Variants in ISLR2 observed in about 807,000 individuals in gnomAD.
The protein encoded by ISLR2 is immunoglobulin superfamily containing leucine rich repeat 2.
ISLR2 carries 16 observed loss-of-function variants against 25.5 expected under a neutral mutation model. The observed-to-expected ratio is 0.63, with a 90% CI of 0.43 to 0.95. ISLR2 has a LOEUF of 0.95. ISLR2 is among the 40% of genes least tolerant of loss of function. ISLR2 has a pLI of 0.00. For missense variants in ISLR2, 883 were observed against 1,030.7 expected (o/e 0.86, Z 1.96); for synonymous variants, 508 against 486.6 (o/e 1.04, Z -0.58).
intron 1 of ISLR2, among the ~76,000 whole-genome samples, chr15:74,102,328 C>G (rs1207453412): frequency 8.0e-6 from 1 of 124,326 alleles, no homozygotes; most frequent in Admixed American, 8.6e-5. Flanking sequence ...AAATTAGGAA[C>G]AGATGAAAAC....
chr15:74,133,269 C>T lies in ISLR2; in HGVS notation c.515C>T (p.Ala172Val). ...CCTGGCACCTTCGACGCGCTTAGCG[C>T]GCTGTCACACTTGCAACTCTATCAC... ...LAPGTFDALS[A>V]LSHLQLYHNP... Residue 172 changes from alanine to valine, a missense_variant, in exon 3 of 3, where the codon GCG becomes GTG. Around this residue, in one of 2 missense-constraint regions of ISLR2, gnomAD observed 271 missense variants for 387.9 expected, o/e 0.70. Transcript: ENST00000453268. The T allele has an allele frequency of 6.2e-7, 1 of 1,611,404 alleles. No homozygotes were observed. Among genetic ancestry groups the T allele is most frequent in the Non-Finnish European group, 8.5e-7 (1 of 1,179,986 alleles).
At chr15:74,108,800 G>A (rs1321540954) in intron 2 of ISLR2, among the ~76,000 whole-genome samples, 1 of 152,216 alleles carries the variant, frequency 6.6e-6, no homozygotes. Context: ...GCTAGGGGGT[G>A]CCCAGGGCTG....
At chr15:74,138,269 C>CTTTTTCTT (rs2072589426), downstream of ISLR2, 1 of 143,844 alleles carries the variant, frequency 7.0e-6, no homozygotes, top group Non-Finnish European at 1.5e-5. Context: ...TCACCATCAG[C>CTTTTTCTT]TTTTTCTTTT....
In ISLR2 at chr15:74,106,759, G is replaced by A. The variant is rs542759038; in HGVS notation, n.228+2845G>A. Among the ~76,000 whole-genome samples, 42 of 152,174 alleles carry A rather than the reference G, an allele frequency of 2.8e-4. 2 individuals are homozygous for A. The highest frequency in any genetic ancestry group is 2.6e-4 in the Non-Finnish European group (18 of 67,982). On this transcript the variant is annotated intron_variant and non_coding_transcript_variant, in intron 2 of 3. Transcript: ENST00000561975. ...AGGCCACGTTTGGGCCTCCCACCTGGGGGCCCGGACACCCCTCTGCATCTA... is the reference window on the plus strand; with the variant it reads ...AGGCCACGTTTGGGCCTCCCACCTGAGGGCCCGGACACCCCTCTGCATCTA...
chr15:74,107,915 A>G (rs2072134219), intron 2 of ISLR2, among the ~76,000 whole-genome samples: 1 of 152,178 alleles, frequency 6.6e-6, no homozygotes, highest in South Asian at 2.1e-4. Context: ...CCACAGGTGA[A>G]TGCCCCTCCT....
Position 74,134,882 on chromosome 15 carries a change from C to T in ISLR2, c.2128C>T (p.Gln710Ter). The part of the protein sequence containing the change: ...SLVESQSKAN[Q>*]EEFEAGSEYS... ...GGTGGAGTCCCAGTCCAAGGCCAAC[C>T]AAGAGGAGTTCGAGGCGGGCTCTGA... Residue 710 changes from glutamine (Q) to a stop codon, truncating the protein, a stop_gained, in exon 3 of 3, where the codon CAA becomes TAA. Transcript: ENST00000453268. LOFTEE classifies it high-confidence loss of function. The T allele has an allele frequency of 6.2e-7, 1 of 1,614,142 alleles. No individual in the cohort carries two copies. The highest frequency in any genetic ancestry group is 8.5e-7 in the Non-Finnish European group (1 of 1,180,022).
chr15:74,123,592 G>A (rs1196880499), upstream of ISLR2, among the ~76,000 whole-genome samples: 1 of 152,152 alleles, frequency 6.6e-6, no homozygotes, highest in Non-Finnish European at 1.5e-5. Context: ...GCCCCACTTT[G>A]CACTGCCCCA....
At chr15:74,119,355 C>T (rs1019382607) in intron 2 of ISLR2, among the ~76,000 whole-genome samples, 19 of 152,062 alleles carry the variant, frequency 1.2e-4, no homozygotes, top group African/African-American at 3.6e-4. Context: ...GGACCACAGG[C>T]GTGCACCACC....
At chr15:74,111,370 G>A (rs563554583) in intron 2 of ISLR2, among the ~76,000 whole-genome samples, 1 of 151,170 alleles carries the variant, frequency 6.6e-6, no homozygotes, top group Non-Finnish European at 1.5e-5. Context: ...GCTCACTGCA[G>A]CCTCCACCTC....
chr15:74,104,960 G>A (rs1384189269), intron 2 of ISLR2, among the ~76,000 whole-genome samples: 2 of 91,470 alleles, frequency 2.2e-5, no homozygotes, highest in Non-Finnish European at 4.3e-5. Context: ...AAACAGTTGC[G>A]CATGTGACCC....
At position 74,132,619 on chromosome 15, in the gene ISLR2, C is replaced by T. The variant is rs2141954441; in HGVS notation, c.-8-128C>T. 2 of 1,290,372 alleles carry T rather than the reference C, an allele frequency of 1.5e-6. No homozygotes were observed. The highest frequency in any genetic ancestry group is 2.1e-6 in the Non-Finnish European group (2 of 964,164). The allele number at this position is 1,290,372 out of a possible 1,614,324, so 79.9% of individuals were successfully genotyped here. The stretch of plus-strand genomic sequence containing the variant: ...CCTTCACTTCAGAGAGGCTCCTGGC[C>T]ATAGAGGAGGTTACCGGAGCCCTGG... On this transcript the variant is annotated intron_variant, in intron 2 of 2. Transcript: ENST00000453268. The surrounding 1 kb of genome is among the most constrained non-coding windows in gnomAD (Gnocchi z 4.3).
In ISLR2 at chr15:74,133,029, C is replaced by G; in HGVS notation, c.275C>G (p.Pro92Arg). ...CACAATGAGGTGCGCACCGTGGAGC[C>G]AGGCGCACTGGCCGTGCTGAGTCAG... is the stretch of plus-strand genomic sequence containing the variant. ...LAHNEVRTVE[P>R]GALAVLSQLK... The change falls in exon 3 of 3, where the codon CCA (proline) becomes CGA (arginine). Residue 92 changes from proline (P) to arginine (R), a missense_variant. Transcript: ENST00000453268. 1 of 1,613,256 alleles carries G rather than the reference C, an allele frequency of 6.2e-7. No individual in the cohort carries two copies. The highest frequency in any genetic ancestry group is 8.5e-7 in the Non-Finnish European group (1 of 1,179,956).
Position 74,134,760 on chromosome 15 carries a change from C to T in ISLR2, c.2006C>T (p.Pro669Leu). Residue 669 changes from proline to leucine, a missense_variant, in exon 3 of 3, where the codon CCA becomes CTA. By Grantham distance (98) the Pro-to-Leu change is moderately conservative. Transcript: ENST00000453268. ...GGCGGCGAGGCGGGCGGCGAGGAGCCAGAGGACGTGCAGGGGGAGGGCCTT... is the reference window on the plus strand; with the variant it reads ...GGCGGCGAGGCGGGCGGCGAGGAGCTAGAGGACGTGCAGGGGGAGGGCCTT... ...PAGGEAGGEE[P>L]EDVQGEGLDE... is the part of the protein sequence containing the mutation. The T allele has an allele frequency of 6.2e-7, 1 of 1,613,932 alleles. No homozygotes were observed. The highest frequency in any genetic ancestry group is 8.5e-7 in the Non-Finnish European group (1 of 1,179,914).
At chr15:74,110,253 A>G (rs970603502) in intron 2 of ISLR2, among the ~76,000 whole-genome samples, 2 of 152,244 alleles carry the variant, frequency 1.3e-5, no homozygotes, top group African/African-American at 4.8e-5. Context: ...AAACTAACTC[A>G]TACATCGCTG....
At chr15:74,129,404 C>G (rs2072355542), upstream of ISLR2, 1 of 199,476 alleles carries the variant, frequency 5.0e-6, no homozygotes, top group South Asian at 8.1e-5. This position sits in a 1 kb window ranked among gnomAD's most constrained non-coding sequence, Gnocchi z 4.5. Flanking sequence ...TCCACGGAAG[C>G]CCCAAACCCT....
intron 2 of ISLR2, among the ~76,000 whole-genome samples, chr15:74,121,178 G>A (rs929975260): frequency 3.3e-5 from 5 of 152,148 alleles, no homozygotes; most frequent in African/African-American, 1.2e-4. Flanking sequence ...AGGCTGGAGG[G>A]ATTTATAGCA....
intron 1 of ISLR2, among the ~76,000 whole-genome samples, chr15:74,101,943 G>A (rs1234246428): frequency 1.9e-5 from 2 of 106,204 alleles, no homozygotes; most frequent in Non-Finnish European, 3.8e-5. Flanking sequence ...AGCTGGGTGC[G>A]GTGGCTCATG....
chr15:74,136,561 G>C lies in ISLR2; in HGVS notation c.*1569G>C, dbSNP rs1438643549. ...GACCGTGTAGTGTAGGGGGGCGGGC[G>C]GGGGGGCGGATGGGCGGGGAGGGAG... On this transcript the variant is annotated 3_prime_UTR_variant, in exon 3 of 3. Transcript: ENST00000453268. The C allele has an allele frequency of 1.3e-5, 2 of 156,498 alleles. No homozygotes were observed. Among genetic ancestry groups the C allele is most frequent in the East Asian group, 3.9e-4 (2 of 5,126 alleles). The allele number at this position is 156,498 out of a possible 1,614,324, so 9.7% of individuals were successfully genotyped here.
At chr15:74,120,447 G>A (rs548817235) in intron 2 of ISLR2, among the ~76,000 whole-genome samples, 10 of 151,700 alleles carry the variant, frequency 6.6e-5, no homozygotes, top group African/African-American at 2.2e-4. Context: ...GCTTGAACCC[G>A]GGAGGTGGAG....
Sources: allele counts gnomAD v4.1 joint callset (sites outside exome capture counted in the v4.1 genomes callset), GRCh38; gene constraint gnomAD v4.1.1; regional missense constraint gnomAD v4.1.1; non-coding constraint Gnocchi (gnomAD v3.1); transcripts MANE v1.5; gene names NCBI Gene and HGNC (gene_info 2026-07-23, HGNC 2026-07-21).